Variants in DENND4C observed in about 807,000 individuals in gnomAD.
The protein encoded by DENND4C is DENN domain-containing protein 4C.
Under a neutral mutation model 203.0 loss-of-function variants are expected in DENND4C, and 108 were observed. The ratio of observed to expected loss-of-function variants is 0.53; its 90% CI spans 0.46 to 0.62. The LOEUF (loss-of-function observed/expected upper bound fraction) is 0.62, where lower values mean the gene tolerates loss of function less well. Ranked by LOEUF, DENND4C falls within the 20% of genes least tolerant of loss-of-function variation. DENND4C has a pLI of 0.00. For missense variants in DENND4C, 2,481 were observed against 2,301.2 expected, an observed-to-expected ratio of 1.08 and a Z score of -1.60; for synonymous variants, 871 against 792.4, an observed-to-expected ratio of 1.10 and a Z score of -1.67.
At chr9:19,243,928 A>T (rs1325720795) in intron 1 of DENND4C, among the ~76,000 whole-genome samples, 1 of 152,166 alleles carries the variant, frequency 6.6e-6, no homozygotes, top group Non-Finnish European at 1.5e-5. Context: ...TTCCTGCCTT[A>T]GCCTCCTGAG....
intron 20 of DENND4C, 22 bp from the exon 21 acceptor site, chr9:19,340,970 A>C: frequency 6.4e-7 from 1 of 1,566,534 alleles, no homozygotes; most frequent in African/African-American, 1.4e-5. Context: ...ATTTATATGT[A>C]AGTCTGCATT....
rs1208235687 is a variant in DENND4C, at chr9:19,257,068, T to C, written c.-17-19090T>C. On this transcript the variant is annotated intron_variant, in intron 1 of 32. Transcript: ENST00000434457. ...CTGGGCGACAGAGTGAGACTCCGTC[T>C]CAAAAAAAAAAAAGGAAATATATTT... Among the ~76,000 whole-genome samples, 32 of 137,124 alleles carry C rather than the reference T, an allele frequency of 2.3e-4. 1 individual carries two copies. In the Admixed American group the frequency reaches 2.4e-3, roughly 10 times the overall value. The allele number at this position is 137,124 out of a possible 152,430, so 90.0% of individuals were successfully genotyped here. A position where few individuals can be genotyped will look rare whatever the true frequency, so the allele number is the denominator to read the frequency against.
chr9:19,276,405 T>C lies in DENND4C; in HGVS notation c.231T>C (p.Tyr77=). 3.2e-6 allele frequency: 4 copies of C among 1,232,118 alleles called. No homozygotes were observed. Among genetic ancestry groups the C allele is most frequent in the Non-Finnish European group, 4.0e-6 (4 of 987,936 alleles). 76.3% of individuals were successfully genotyped at this position (1,232,118 alleles called of 1,614,324 possible). The change falls in exon 2 of 33, where the codon TAT becomes TAC. Residue 77 remains tyrosine (Y), a synonymous_variant. Coordinates refer to ENST00000434457, the MANE Select transcript of DENND4C (RefSeq NM_001330640.2). The part of the protein sequence containing the change: ...TPSALQANLN[Y]GSLKSPELFL... ...CAGCTCTCCAAGCAAACTTGAACTA[T>C]GGAAGTCTGAAAAGCCCAGAACTTT...
intron 6 of DENND4C, among the ~76,000 whole-genome samples, chr9:19,296,452 C>T (rs945742519): frequency 1.3e-5 from 2 of 151,400 alleles, no homozygotes; most frequent in Non-Finnish European, 2.9e-5. Flanking sequence ...GCAACCTCCA[C>T]CTCCTGGGTT....
At chr9:19,274,823 A>G (rs536170953) in intron 1 of DENND4C, among the ~76,000 whole-genome samples, 3 of 152,328 alleles carry the variant, frequency 2.0e-5, no homozygotes, top group Non-Finnish European at 2.9e-5. Context: ...CTGATCTTGG[A>G]TCTTGACTGA....
rs999923798 is a variant in DENND4C, at chr9:19,325,837, C to A, written c.1954-102C>A. ...TGTGCATGTTTTGTATCAGCTGGTA[C>A]TGAAAAGGGGTAGTTTTTTTCTAAA... On this transcript the variant is annotated intron_variant, in intron 13 of 32. Transcript: ENST00000434457. The A allele has an allele frequency of 2.8e-5, 30 of 1,089,348 alleles. No individual in the cohort carries two copies. In the East Asian group the frequency reaches 7.2e-4, roughly 26 times the overall value. The allele number at this position is 1,089,348 out of a possible 1,614,324, so 67.5% of individuals were successfully genotyped here.
At chr9:19,337,720 G>A (rs1198203206) in intron 20 of DENND4C, 1 of 1,119,136 alleles carries the variant, frequency 8.9e-7, no homozygotes, top group East Asian at 5.9e-5. Context: ...GCAAGGGTGG[G>A]GGAAAGACCT....
At position 19,336,760 on chromosome 9, in the gene DENND4C, A is replaced by G. The variant is rs1387964072; in HGVS notation, c.2809A>G (p.Asn937Asp). The G allele has an allele frequency of 1.3e-6, 2 of 1,550,886 alleles. No individual in the cohort carries two copies. Among genetic ancestry groups the G allele is most frequent in the East Asian group, 4.9e-5 (2 of 40,936 alleles). The change falls in exon 20 of 33, where the codon AAC (asparagine) becomes GAC (aspartate). Residue 937 changes from asparagine (N) to aspartate (D), a missense_variant. Physicochemically the swap from Asn to Asp is conservative, Grantham distance 23. Around this residue, in one of 3 missense-constraint regions of DENND4C, gnomAD observed 2,289 missense variants for 2,113.3 expected, o/e 1.08. Transcript: ENST00000434457. ...HGSVDSSNDA[N>D]NGEHTVFVRD... The stretch of plus-strand genomic sequence containing the variant: ...TAGTGTGGATAGTTCTAATGATGCT[A>G]ACAATGGGGAGCACACAGTCTTCGT...
At chr9:19,313,999 T>G (rs542940100) in intron 10 of DENND4C, among the ~76,000 whole-genome samples, 161 of 152,198 alleles carry the variant, frequency 1.1e-3, no homozygotes, top group Non-Finnish European at 7.6e-4. Context: ...GGAAAATCGC[T>G]TGAACCTGGG....
chr9:19,292,860 T>C (rs926057253), intron 5 of DENND4C, among the ~76,000 whole-genome samples: 9 of 152,174 alleles, frequency 5.9e-5, no homozygotes, highest in Admixed American at 5.9e-4. Context: ...TTGAAAACTT[T>C]CTAAGGAAAT....
intron 30 of DENND4C, among the ~76,000 whole-genome samples, chr9:19,369,123 C>T (rs907286374): frequency 2.0e-5 from 3 of 151,988 alleles, no homozygotes; most frequent in Non-Finnish European, 4.4e-5. Context: ...GCCTTGGCAA[C>T]AGAATGCGAT....
At chr9:19,298,821 G>A (rs1837971716) in intron 7 of DENND4C, among the ~76,000 whole-genome samples, 1 of 152,114 alleles carries the variant, frequency 6.6e-6, no homozygotes, top group Non-Finnish European at 1.5e-5. Context: ...TATGTATGGT[G>A]GGATTAAGTC....
At chr9:19,328,300 T>A in intron 16 of DENND4C, 138 bp downstream of exon 16, 1 of 929,496 alleles carries the variant, frequency 1.1e-6, no homozygotes, top group East Asian at 2.9e-5. Context: ...TTAACTAGAT[T>A]TCTTGCAAGC....
rs1826186049 is a variant in DENND4C, at chr9:19,360,253, G to A, written c.5170G>A (p.Gly1724Arg). The change falls in exon 29 of 33, where the codon GGA (glycine) becomes AGA (arginine). Residue 1724 changes from glycine (G) to arginine (R), a missense_variant. Around this residue, in one of 3 missense-constraint regions of DENND4C, gnomAD observed 2,289 missense variants for 2,113.3 expected, o/e 1.08. Transcript: ENST00000434457. Reference protein sequence around the residue: ...NSLQEVVDPLGKRPNPPPVSV... With the variant: ...NSLQEVVDPLRKRPNPPPVSV... ...TTGTATTTTTTTTAAGGATCCTTTA[G>A]GAAAAAGACCCAATCCTCCCCCTGT... is the stretch of plus-strand genomic sequence containing the variant. 2 of 1,611,398 alleles carry A rather than the reference G, an allele frequency of 1.2e-6. No homozygotes were observed. Among genetic ancestry groups the A allele is most frequent in the African/African-American group, 2.7e-5 (2 of 74,612 alleles).
chr9:19,363,890 T>G (rs1205520573), intron 30 of DENND4C, among the ~76,000 whole-genome samples: 4 of 152,066 alleles, frequency 2.6e-5, no homozygotes, highest in South Asian at 2.1e-4. Flanking sequence ...GATGCACGCC[T>G]GTAATCCCAG....
chr9:19,299,990 A>T (rs1288396682), intron 8 of DENND4C, among the ~76,000 whole-genome samples, 197 bp from the exon 9 acceptor site: 1 of 152,212 alleles, frequency 6.6e-6, no homozygotes, highest in Non-Finnish European at 1.5e-5. Context: ...TTCTTGATAA[A>T]TGCCTTTTAT....
intron 10 of DENND4C, among the ~76,000 whole-genome samples, chr9:19,313,996 C>T (rs572391122): frequency 3.3e-5 from 5 of 152,250 alleles, no homozygotes; most frequent in African/African-American, 1.2e-4. Context: ...GCAGGAAAAT[C>T]GCTTGAACCT....
intron 23 of DENND4C, 67 bp downstream of exon 23, chr9:19,347,153 A>G (rs1823102740): frequency 7.0e-7 from 1 of 1,428,904 alleles, no homozygotes; most frequent in Non-Finnish European, 9.5e-7. Flanking sequence ...CTAGAAATAT[A>G]TGTATTCTTG....
chr9:19,352,705 C>G, intron 26 of DENND4C, 40 bp downstream of exon 26: 3 of 1,447,322 alleles, frequency 2.1e-6, no homozygotes, highest in African/African-American at 2.8e-5. Flanking sequence ...TAAGTACCCT[C>G]AAAAAACACG....
Sources: gnomAD v4.1 joint callset for allele counts (sites outside exome capture counted in the v4.1 genomes callset) on GRCh38, gnomAD v4.1.1 for gene constraint, gnomAD v4.1.1 regional missense constraint, MANE v1.5 for transcripts, NCBI Gene and HGNC (gene_info 2026-07-23, HGNC 2026-07-21) for gene names.